SHC3: variants seen among roughly 807,000 people sequenced by gnomAD.
SHC3 encodes the protein SHC-transforming protein 3.
A neutral mutation model predicts 60.4 loss-of-function variants in SHC3; 15 were observed. That is an observed-to-expected ratio of 0.25 (90% CI 0.17 to 0.38). The LOEUF (loss-of-function observed/expected upper bound fraction) is 0.38, where lower values mean the gene tolerates loss of function less well. Among genes scored for constraint, SHC3 ranks in the 10% least tolerant of loss-of-function variants. The probability of loss-of-function intolerance (pLI) is 1.00; values close to 1 mark genes in which losing one functional copy is unlikely to be tolerated. For synonymous variants in SHC3, 294 were observed against 325.9 expected (o/e 0.90, Z 1.05); for missense variants, 677 against 786.1 (o/e 0.86, Z 1.66).
chr9:89,127,292 G>T (rs1333999963), intron 1 of SHC3, among the ~76,000 whole-genome samples: 1 of 152,046 alleles, frequency 6.6e-6, no homozygotes, highest in Non-Finnish European at 1.5e-5. Flanking sequence ...CACCTGGGAG[G>T]TTACCTTTGG....
chr9:89,130,194 T>G (rs1311653322), intron 1 of SHC3, among the ~76,000 whole-genome samples: 1 of 152,098 alleles, frequency 6.6e-6, no homozygotes, highest in Non-Finnish European at 1.5e-5. Flanking sequence ...GGTAAAGGGA[T>G]CAATTCAACA....
chr9:89,177,485 G>C (rs1826957352), intron 1 of SHC3, among the ~76,000 whole-genome samples: 1 of 152,240 alleles, frequency 6.6e-6, no homozygotes, highest in African/African-American at 2.4e-5. Context: ...CACAGCATTT[G>C]GCCTGCTCTG....
chr9:89,077,313 T>C (rs982094101), intron 3 of SHC3, among the ~76,000 whole-genome samples: 2 of 152,248 alleles, frequency 1.3e-5, no homozygotes, highest in African/African-American at 4.8e-5. Context: ...GCAGAAACAT[T>C]ATACAACCAT....
At chr9:89,127,683 TA>T (rs1264606183) in intron 1 of SHC3, among the ~76,000 whole-genome samples, 4 of 152,084 alleles carry the variant, frequency 2.6e-5, no homozygotes, top group African/African-American at 9.7e-5. Context: ...GAGGGATAGC[TA>T]ATGGCAGTTA....
chr9:89,071,294 C>T, intron 4 of SHC3, 42 bp from the exon 5 acceptor site: 1 of 1,605,384 alleles, frequency 6.2e-7, no homozygotes, highest in Non-Finnish European at 8.5e-7. Flanking sequence ...CTGTTATCGC[C>T]CTTTCCACAT....
chr9:89,145,922 C>CT (rs1025212167), intron 1 of SHC3, among the ~76,000 whole-genome samples: 47 of 152,210 alleles, frequency 3.1e-4, no homozygotes, highest in African/African-American at 1.1e-3. Flanking sequence ...ATATATATTA[C>CT]TTTTTTTAAA....
At chr9:89,056,559 A>T (rs1824954389) in intron 6 of SHC3, among the ~76,000 whole-genome samples, 1 of 152,222 alleles carries the variant, frequency 6.6e-6, no homozygotes. Context: ...AGCTGCCATG[A>T]TGGGTGTAAT....
chr9:89,124,409 T>C (rs1011620206), intron 1 of SHC3, among the ~76,000 whole-genome samples: 13 of 152,178 alleles, frequency 8.5e-5, no homozygotes, highest in African/African-American at 3.1e-4. Context: ...TGCAGCACTA[T>C]TTACAATAGC....
chr9:89,057,817 CT>C (rs1824980684), intron 6 of SHC3, among the ~76,000 whole-genome samples: 1 of 152,168 alleles, frequency 6.6e-6, no homozygotes, highest in Non-Finnish European at 1.5e-5. Flanking sequence ...GTCATGCCCC[CT>C]GACCATCTGG....
intron 6 of SHC3, among the ~76,000 whole-genome samples, chr9:89,056,744 G>A (rs777434205): frequency 3.9e-5 from 6 of 152,226 alleles, no homozygotes; most frequent in Non-Finnish European, 5.9e-5. Flanking sequence ...GGCTAAGATC[G>A]TCCTGTTTCC....
At chr9:89,112,851 C>T (rs1331880231) in intron 1 of SHC3, among the ~76,000 whole-genome samples, 2 of 151,938 alleles carry the variant, frequency 1.3e-5, no homozygotes, top group Non-Finnish European at 2.9e-5. Context: ...TTTTCTAAAA[C>T]CTGTTAGTAT....
In SHC3 at chr9:89,078,013, T is replaced by A. The variant is rs561649411; in HGVS notation, c.546-110A>T. On this transcript the variant is annotated intron_variant, in intron 2 of 11. Transcript: ENST00000375835. ...AAATAACTGCCTGTTTATTTCAGTA[T>A]AGAAAACAGAGCTGCCAATTTGGGA... 59 of 1,296,996 alleles carry A rather than the reference T, an allele frequency of 4.5e-5. No homozygotes were observed. The South Asian group carries it at 5.5e-4, about 12-fold the overall frequency. The allele number at this position is 1,296,996 out of a possible 1,614,324, so 80.3% of individuals were successfully genotyped here.
chr9:89,149,947 T>A (rs932013874), intron 1 of SHC3, among the ~76,000 whole-genome samples: 4 of 152,152 alleles, frequency 2.6e-5, no homozygotes, highest in Non-Finnish European at 5.9e-5. Flanking sequence ...ATACTACCCA[T>A]CCCTTAGTCA....
intron 1 of SHC3, among the ~76,000 whole-genome samples, chr9:89,162,529 T>C (rs1392262349): frequency 6.6e-6 from 1 of 152,210 alleles, no homozygotes; most frequent in Non-Finnish European, 1.5e-5. Context: ...CTGGGAAAAC[T>C]GGCTAGCCAT....
chr9:89,018,364 C>T (rs1826131947), intron 11 of SHC3, among the ~76,000 whole-genome samples: 1 of 152,108 alleles, frequency 6.6e-6, no homozygotes, highest in Non-Finnish European at 1.5e-5. Flanking sequence ...AGCTGGAAAC[C>T]ATCATTCTCA....
intron 2 of SHC3, among the ~76,000 whole-genome samples, chr9:89,106,204 AG>A (rs1825857360): frequency 6.6e-6 from 1 of 152,154 alleles, no homozygotes; most frequent in African/African-American, 2.4e-5. Flanking sequence ...TCATCCCCTA[AG>A]AGTAGGAAGC....
Position 89,067,790 on chromosome 9 carries a change from T to G in SHC3, c.784-2210A>C, listed in dbSNP as rs78169608. ...CCATCATAGCAAAGTAATATTACATTGAATGTCATTGGCCTTACAATGTTT... is the reference window on the plus strand; with the variant it reads ...CCATCATAGCAAAGTAATATTACATGGAATGTCATTGGCCTTACAATGTTT... On this transcript the variant is annotated intron_variant, in intron 5 of 11. Transcript: ENST00000375835. 3.4e-3 allele frequency among the ~76,000 whole-genome samples: 519 copies of G among 152,300 alleles called. 4 individuals are homozygous for G. Among genetic ancestry groups the G allele is most frequent in the African/African-American group, 0.012 (502 of 41,568 alleles).
At chr9:89,077,749 A>G in intron 3 of SHC3, 91 bp downstream of exon 3, 2 of 1,454,254 alleles carry the variant, frequency 1.4e-6, no homozygotes, top group Non-Finnish European at 1.9e-6. Flanking sequence ...GAAAGAGGAC[A>G]ATGAATAATT....
chr9:89,169,665 C>T (rs376673505), intron 1 of SHC3, among the ~76,000 whole-genome samples: 3 of 151,150 alleles, frequency 2.0e-5, no homozygotes, highest in Non-Finnish European at 4.4e-5. Context: ...AGGCAAAACC[C>T]GAAAGTCTGG....
Sources: allele counts gnomAD v4.1 joint callset (sites outside exome capture counted in the v4.1 genomes callset), GRCh38; gene constraint gnomAD v4.1.1; transcripts MANE v1.5; gene names NCBI Gene and HGNC (gene_info 2026-07-23, HGNC 2026-07-21).